The following GJB1 variants were observed in gnomAD, a reference collection of about 807,000 sequenced individuals.
The protein encoded by GJB1 is gap junction protein beta 1, also known as gap junction beta-1 protein.
A neutral mutation model predicts 12.0 loss-of-function variants in GJB1; 1 was observed. The observed-to-expected ratio is 0.08, with a 90% CI of 0.03 to 0.40. GJB1 has a LOEUF of 0.40. Ranked by LOEUF, GJB1 falls within the 10% of genes least tolerant of loss-of-function variation. GJB1 has a pLI of 0.98. For missense variants in GJB1, 140 were observed against 250.3 expected, an observed-to-expected ratio of 0.56 and a Z score of 2.97; for synonymous variants, 114 against 102.8, an observed-to-expected ratio of 1.11 and a Z score of -0.66.
upstream of GJB1, among the ~76,000 whole-genome samples, chrX:71,220,329 C>CT (rs761096014): frequency 3.3e-3 from 309 of 92,757 alleles, 1 homozygote; most frequent in Middle Eastern, 0.011. Context: ...TGTGCCCGGC[C>CT]TTTTTTTTTT....
chrX:71,219,514 A>G (rs1044767752), upstream of GJB1, among the ~76,000 whole-genome samples: 1 of 107,710 alleles, frequency 9.3e-6, no homozygotes, highest in Non-Finnish European at 1.9e-5. Flanking sequence ...GCTCACGCCT[A>G]TAATCCCAGC....
At position 71,224,211 on chromosome X, in the gene GJB1, C is replaced by T. The variant is rs757808220; in HGVS notation, c.504C>T (p.Cys168=). 83 of 1,202,966 alleles carry T rather than the reference C, an allele frequency of 6.9e-5. No homozygotes were observed. The highest frequency in any genetic ancestry group is 3.0e-4 in the East Asian group (10 of 33,569). The change falls in exon 2 of 2, where the codon TGC becomes TGT. Residue 168 remains cysteine, a synonymous_variant. Coordinates refer to ENST00000361726, the MANE Select transcript of GJB1 (RefSeq NM_000166.6). ...PGYAMVRLVK[C]DVYPCPNTVD... is the part of the protein sequence containing the mutation. ...ATGCCATGGTGCGGCTGGTCAAGTGCGACGTCTACCCCTGCCCCAACACAG... is the reference window on the plus strand; with the variant it reads ...ATGCCATGGTGCGGCTGGTCAAGTGTGACGTCTACCCCTGCCCCAACACAG...
At chrX:71,216,632 A>G (rs2092526265) in intron 1 of GJB1, among the ~76,000 whole-genome samples, 1 of 109,904 alleles carries the variant, frequency 9.1e-6, no homozygotes, top group South Asian at 3.9e-4. Flanking sequence ...AACAATGGGG[A>G]AGGGAGCTGG....
upstream of GJB1, among the ~76,000 whole-genome samples, chrX:71,221,323 TTTTA>T (rs57849718): frequency 0.31 from 30,492 of 99,902 alleles, 4,301 homozygotes; most frequent in Non-Finnish European, 0.4. Context: ...CACTAAGGCT[TTTTA>T]TTTATTTATT....
upstream of GJB1, among the ~76,000 whole-genome samples, chrX:71,220,123 G>A (rs2092533962): frequency 1.0e-5 from 1 of 98,938 alleles, no homozygotes; most frequent in Non-Finnish European, 2.0e-5. Context: ...GATTACAGGC[G>A]TGAGCCACTG....
upstream of GJB1, among the ~76,000 whole-genome samples, chrX:71,220,783 G>A (rs906675562): frequency 1.8e-5 from 2 of 108,736 alleles, no homozygotes; most frequent in African/African-American, 6.8e-5. Context: ...TTGCAGGCGT[G>A]AGCCCCTGCA....
At position 71,223,618 on chromosome X, in the gene GJB1, C is replaced by T. The variant is rs2092541678; in HGVS notation, c.-16-74C>T. On this transcript the variant is annotated intron_variant, in intron 1 of 1. Coordinates refer to ENST00000361726, the MANE Select transcript of GJB1 (RefSeq NM_000166.6). Reference sequence around the variant, plus strand: ...CTCTTGGAAGAGTTGAGGGGGGGTGCGCAGGCAGTGCTATGGCGCCCGACT... The same window carrying T: ...CTCTTGGAAGAGTTGAGGGGGGGTGTGCAGGCAGTGCTATGGCGCCCGACT... 4.1e-6 allele frequency: 4 copies of T among 980,990 alleles called. No individual in the cohort carries two copies. In the South Asian group the frequency reaches 5.8e-5, roughly 14 times the overall value. The allele number at this position is 980,990 out of a possible 1,213,427, so 80.8% of individuals were successfully genotyped here. A position where few individuals can be genotyped will look rare whatever the true frequency, so the allele number is the denominator to read the frequency against.
Position 71,224,074 on chromosome X carries a change from C to A in GJB1, c.367C>A (p.His123Asn). 8.3e-7 allele frequency: 1 copy of A among 1,205,604 alleles called. No individual in the cohort carries two copies. Among genetic ancestry groups the A allele is most frequent in the East Asian group, 3.0e-5 (1 of 33,716 alleles). Residue 123 changes from histidine to asparagine, a missense_variant, in exon 2 of 2, where the codon CAC (histidine) becomes AAC (asparagine). Physicochemically the swap from His to Asn is moderately conservative, Grantham distance 68. Around this residue, in one of 4 missense-constraint regions of GJB1, gnomAD observed 49 missense variants for 104.5 expected, o/e 0.47. Coordinates refer to ENST00000361726, the MANE Select transcript of GJB1 (RefSeq NM_000166.6). ...CCTACACCTGGAGGAGGTGAAGAGGCACAAGGTCCACATCTCAGGGACACT... is the reference window on the plus strand; with the variant it reads ...CCTACACCTGGAGGAGGTGAAGAGGAACAAGGTCCACATCTCAGGGACACT... The part of the protein sequence containing the change: ...DPLHLEEVKR[H>N]KVHISGTLWW...
intron 1 of GJB1, 60 bp from the exon 2 acceptor site, chrX:71,223,632 T>C: frequency 8.9e-7 from 1 of 1,122,628 alleles, no homozygotes; most frequent in Non-Finnish European, 1.2e-6. Context: ...GGCAGTGCTA[T>C]GGCGCCCGAC....
rs139775308 is a variant in GJB1, at chrX:71,224,722, G to A, written c.*163G>A. 5.7e-6 allele frequency: 3 copies of A among 526,579 alleles called. No individual in the cohort carries two copies. In the African/African-American group the frequency reaches 7.0e-5, roughly 12 times the overall value. The allele number at this position is 526,579 out of a possible 1,213,427, so 43.4% of individuals were successfully genotyped here. ...CCTCCCGGGGCCTTCCTTTTGAGGA[G>A]CTGGAGGGGTGGGGAGCTAGAGGCC... On this transcript the variant is annotated 3_prime_UTR_variant, in exon 2 of 2. Coordinates refer to ENST00000361726, the MANE Select transcript of GJB1 (RefSeq NM_000166.6).
At chrX:71,219,122 A>T (rs1350480091), upstream of GJB1, among the ~76,000 whole-genome samples, 1 of 107,161 alleles carries the variant, frequency 9.3e-6, no homozygotes, top group Non-Finnish European at 1.9e-5. Flanking sequence ...ATTTTTTTTT[A>T]ATAAAAATGC....
chrX:71,220,652 G>A (rs1054183102), upstream of GJB1, among the ~76,000 whole-genome samples: 1 of 107,353 alleles, frequency 9.3e-6, no homozygotes, highest in Non-Finnish European at 1.9e-5. Context: ...GATTACGGGT[G>A]CCCGCCACCA....
chrX:71,220,767 C>T (rs775466795), upstream of GJB1, among the ~76,000 whole-genome samples: 14 of 108,322 alleles, frequency 1.3e-4, no homozygotes, highest in African/African-American at 4.8e-4. Context: ...TCCCAAAGTG[C>T]TGGGATTGCA....
At chrX:71,220,772 A>C (rs1219843744), upstream of GJB1, among the ~76,000 whole-genome samples, 2 of 107,200 alleles carry the variant, frequency 1.9e-5, no homozygotes, top group African/African-American at 6.9e-5. Context: ...AAGTGCTGGG[A>C]TTGCAGGCGT....
At chrX:71,219,112 A>T (rs995371019), upstream of GJB1, among the ~76,000 whole-genome samples, 36 of 107,310 alleles carry the variant, frequency 3.4e-4, 1 homozygote, top group African/African-American at 1.2e-3. Flanking sequence ...TACTCAGTAA[A>T]TTTTTTTTTA....
chrX:71,223,417 G>T, intron 1 of GJB1, 82 bp downstream of exon 1: 1 of 407,384 alleles, frequency 2.5e-6, no homozygotes, highest in Non-Finnish European at 4.3e-6. Flanking sequence ...GGCTGATATC[G>T]GAACAAGATG....
intron 1 of GJB1, among the ~76,000 whole-genome samples, chrX:71,217,104 A>ATGTGTGTGTGTGTGTGTGTGTGTGTGTG (rs34246909): frequency 8.5e-5 from 8 of 93,570 alleles, no homozygotes; most frequent in African/African-American, 2.0e-4. Context: ...GACTAGACGA[A>ATGTGTGTGTGTGTGTGTGTGTGTGTGTG]TGTGTGTGTG....
upstream of GJB1, among the ~76,000 whole-genome samples, chrX:71,220,172 C>T (rs1405579442): frequency 1.1e-4 from 6 of 53,093 alleles, no homozygotes; most frequent in African/African-American, 7.1e-4. Flanking sequence ...TTTGAGACAG[C>T]CGGCTAATTT....
upstream of GJB1, among the ~76,000 whole-genome samples, chrX:71,219,773 C>CAAAAA (rs41477550): frequency 9.1e-5 from 2 of 22,052 alleles, no homozygotes; most frequent in Non-Finnish European, 1.4e-4. Flanking sequence ...GACTCCCTCT[C>CAAAAA]AAAAAAAAAA....
Sources: allele counts gnomAD v4.1 joint callset (sites outside exome capture counted in the v4.1 genomes callset), GRCh38; gene constraint gnomAD v4.1.1; regional missense constraint gnomAD v4.1.1; transcripts MANE v1.5; gene names NCBI Gene and HGNC (gene_info 2026-07-23, HGNC 2026-07-21).